ZFAT: variants seen among roughly 807,000 people sequenced by gnomAD.
The protein encoded by ZFAT is zinc finger and AT-hook domain containing.
In ZFAT, 64 loss-of-function variants were observed where a neutral mutation model predicts 117.7. That is an observed-to-expected ratio of 0.54 (90% CI 0.44 to 0.67). The LOEUF is 0.67. Among genes scored for constraint, ZFAT ranks in the 30% least tolerant of loss-of-function variants. The pLI is 0.00. For synonymous variants in ZFAT, 679 were observed against 615.0 expected (o/e 1.10, Z -1.54); for missense variants, 1,433 against 1,584.5 (o/e 0.90, Z 1.62).
the ZFAT span, among the ~76,000 whole-genome samples, chr8:134,773,827 G>A: frequency 6.6e-6 from 1 of 152,254 alleles, no homozygotes; most frequent in African/African-American, 2.4e-5. Context: ...AACTTGAACA[G>A]ATGAGGAGTT....
chr8:134,676,993 A>G (rs1266745933), intron 1 of ZFAT, among the ~76,000 whole-genome samples: 1 of 152,230 alleles, frequency 6.6e-6, no homozygotes, highest in African/African-American at 2.4e-5. Context: ...AAGAAAAAGT[A>G]GGAGAGATCT....
intron 11 of ZFAT, among the ~76,000 whole-genome samples, chr8:134,535,468 G>GCTCCCTCTCCCC (rs1821759513): frequency 6.9e-6 from 1 of 145,756 alleles, no homozygotes; most frequent in Non-Finnish European, 1.5e-5. Context: ...CCTTTCCAGA[G>GCTCCCTCTCCCC]CTCCCTCTCC....
rs140101385 is a variant in ZFAT, at chr8:134,651,059, T to A, written c.196+6502A>T. ...TTGGCAACGATGTGGAGAAATTGGA[T>A]CCTTTATATGCTGTTGACTGAAATG... On this transcript the variant is annotated intron_variant, in intron 2 of 15. Coordinates refer to ENST00000377838, the MANE Select transcript of ZFAT (RefSeq NM_020863.4). 1.2e-4 allele frequency among the ~76,000 whole-genome samples: 18 copies of A among 152,352 alleles called. 1 individual carries two copies. Among genetic ancestry groups the A allele is most frequent in the African/African-American group, 4.3e-4 (18 of 41,582 alleles).
chr8:134,830,924 G>A, the ZFAT span, among the ~76,000 whole-genome samples: 1 of 152,280 alleles, frequency 6.6e-6, no homozygotes, highest in East Asian at 1.9e-4. Flanking sequence ...CATACATGAT[G>A]ACAGTGTAAA....
At chr8:134,695,940 C>A (rs1171771454) in intron 1 of ZFAT, among the ~76,000 whole-genome samples, 1 of 151,998 alleles carries the variant, frequency 6.6e-6, no homozygotes, top group Non-Finnish European at 1.5e-5. Flanking sequence ...CAGGCCCTAC[C>A]CGCATCTCTA....
chr8:134,556,101 G>T (rs1823605117), intron 11 of ZFAT, among the ~76,000 whole-genome samples: 1 of 150,194 alleles, frequency 6.7e-6, no homozygotes, highest in Non-Finnish European at 1.5e-5. Context: ...AAAAAGAAAA[G>T]GAAAAGAAAA....
At chr8:134,658,674 T>C (rs759033687) in intron 1 of ZFAT, among the ~76,000 whole-genome samples, 3 of 152,226 alleles carry the variant, frequency 2.0e-5, no homozygotes, top group Non-Finnish European at 2.9e-5. Flanking sequence ...TATAGGTATA[T>C]ACAAAATATT....
chr8:134,812,896 T>C, the ZFAT span, among the ~76,000 whole-genome samples: 7 of 152,248 alleles, frequency 4.6e-5, no homozygotes. Context: ...ATCTATCCTC[T>C]TTTTGTAAAT....
intron 7 of ZFAT, among the ~76,000 whole-genome samples, chr8:134,594,058 G>C (rs1184402643): frequency 5.9e-5 from 9 of 152,178 alleles, no homozygotes; most frequent in African/African-American, 7.2e-5. Flanking sequence ...TCAACTCAAG[G>C]GTTTTCCTTT....
intron 1 of ZFAT, among the ~76,000 whole-genome samples, chr8:134,674,090 G>A (rs536628872): frequency 3.3e-4 from 51 of 152,314 alleles, no homozygotes; most frequent in African/African-American, 1.2e-3. Context: ...ATTCAGTCTG[G>A]TTGGACAGTG....
intron 11 of ZFAT, among the ~76,000 whole-genome samples, chr8:134,547,259 A>C (rs1181365445): frequency 1.3e-5 from 2 of 152,302 alleles, no homozygotes; most frequent in Admixed American, 1.3e-4. Flanking sequence ...ACCACAAACA[A>C]GCTTCACTTC....
intron 12 of ZFAT, among the ~76,000 whole-genome samples, chr8:134,521,336 A>T (rs1820638497): frequency 6.6e-6 from 1 of 152,156 alleles, no homozygotes; most frequent in Non-Finnish European, 1.5e-5. Flanking sequence ...TCATTCTTTC[A>T]TTTTTCACTT....
intron 3 of ZFAT, among the ~76,000 whole-genome samples, chr8:134,616,981 T>C (rs1045574032): frequency 6.6e-6 from 1 of 152,180 alleles, no homozygotes; most frequent in Non-Finnish European, 1.5e-5. Context: ...ATATTAAATA[T>C]CTCATCAATG....
chr8:134,652,366 AATCTAAAGT>A (rs1831296398), intron 2 of ZFAT, among the ~76,000 whole-genome samples: 1 of 150,864 alleles, frequency 6.6e-6, no homozygotes, highest in South Asian at 2.1e-4. Context: ...TTTACAAAGA[AATCTAAAGT>A]GTATTCTATA....
At chr8:134,793,736 G>GGGGGGC in the ZFAT span, 1 of 151,934 alleles carries the variant, frequency 6.6e-6, no homozygotes, top group African/African-American at 2.4e-5. Flanking sequence ...AGAGTCCGGG[G>GGGGGGC]GCTGGAGACT....
At chr8:134,825,605 G>C in the ZFAT span, among the ~76,000 whole-genome samples, 2 of 152,226 alleles carry the variant, frequency 1.3e-5, no homozygotes, top group Non-Finnish European at 2.9e-5. Flanking sequence ...TACGGCTGAA[G>C]ACAAACTATT....
chr8:134,526,509 C>T (rs1324023900), intron 12 of ZFAT, among the ~76,000 whole-genome samples: 1 of 152,114 alleles, frequency 6.6e-6, no homozygotes, highest in Non-Finnish European at 1.5e-5. Context: ...ACAATTTCCT[C>T]CCACGGACTG....
intron 3 of ZFAT, among the ~76,000 whole-genome samples, chr8:134,623,803 A>C (rs1586837477): frequency 2.0e-5 from 3 of 146,710 alleles, no homozygotes; most frequent in Non-Finnish European, 3.0e-5. Flanking sequence ...CCCCAGCCCC[A>C]CTCTTCAGTG....
chr8:134,509,826 T>C, intron 14 of ZFAT, 77 bp from the exon 15 acceptor site: 1 of 1,518,098 alleles, frequency 6.6e-7, no homozygotes, highest in South Asian at 1.3e-5. Flanking sequence ...CCAGCCTGTC[T>C]GTTCTCTCGG....
Sources: allele counts gnomAD v4.1 joint callset (sites outside exome capture counted in the v4.1 genomes callset), GRCh38; gene constraint gnomAD v4.1.1; transcripts MANE v1.5; gene names NCBI Gene and HGNC (gene_info 2026-07-23, HGNC 2026-07-21).